TBC1D19: variants seen among roughly 807,000 people sequenced by gnomAD.
TBC1D19 encodes the protein TBC1 domain family, member 19.
A neutral mutation model predicts 89.0 loss-of-function variants in TBC1D19; 60 were observed. The observed-to-expected ratio is 0.67, with a 90% CI of 0.55 to 0.84. The LOEUF (loss-of-function observed/expected upper bound fraction) is 0.84. TBC1D19 is among the 40% of genes least tolerant of loss of function. The probability of loss-of-function intolerance (pLI) is 0.00; values close to 1 mark genes in which losing one functional copy is unlikely to be tolerated. For synonymous variants in TBC1D19, 189 were observed against 199.7 expected (o/e 0.95, Z 0.45); for missense variants, 500 against 610.8 (o/e 0.82, Z 1.91).
At chr4:26,808,783 C>G in the TBC1D19 span, among the ~76,000 whole-genome samples, 2 of 151,268 alleles carry the variant, frequency 1.3e-5, no homozygotes, top group African/African-American at 4.9e-5. Flanking sequence ...AGAGGGACCT[C>G]TAGAAATCAT....
the TBC1D19 span, among the ~76,000 whole-genome samples, chr4:26,824,721 A>G: frequency 7.9e-5 from 12 of 152,120 alleles, no homozygotes; most frequent in Non-Finnish European, 1.0e-4. Context: ...AGTATTATGA[A>G]CATCTGTGTT....
chr4:26,699,573 T>C (rs927927732), intron 13 of TBC1D19, among the ~76,000 whole-genome samples: 7 of 152,310 alleles, frequency 4.6e-5, no homozygotes, highest in Admixed American at 2.0e-4. Context: ...CATATGTTTA[T>C]TGCGGCACTA....
chr4:26,758,917 A>G (rs1719362097), downstream of TBC1D19, among the ~76,000 whole-genome samples: 1 of 152,238 alleles, frequency 6.6e-6, no homozygotes, highest in Non-Finnish European at 1.5e-5. Flanking sequence ...AGACACAACC[A>G]TGACCTTACA....
intron 16 of TBC1D19, among the ~76,000 whole-genome samples, chr4:26,738,681 A>G (rs531470985): frequency 9.2e-5 from 14 of 152,068 alleles, no homozygotes; most frequent in Admixed American, 4.6e-4. Flanking sequence ...ATGAATTTAG[A>G]TATTTACCCC....
At position 26,755,597 on chromosome 4, in the gene TBC1D19, T is replaced by A. The variant is rs1364159140; in HGVS notation, c.*650T>A. 6.6e-6 allele frequency among the ~76,000 whole-genome samples: 1 copy of A among 152,208 alleles called. No homozygotes were observed. The highest frequency in any genetic ancestry group is 1.5e-5 in the Non-Finnish European group (1 of 68,020). ...TGACAATATTTTATGCTTGACTCTC[T>A]GAAAGTCAGAAAATTATAGGTGATC... is the stretch of plus-strand genomic sequence containing the variant. On this transcript the variant is annotated 3_prime_UTR_variant, in exon 21 of 21. Transcript: ENST00000264866.
At chr4:26,792,807 G>A in the TBC1D19 span, among the ~76,000 whole-genome samples, 7 of 152,208 alleles carry the variant, frequency 4.6e-5, no homozygotes, top group Non-Finnish European at 8.8e-5. Context: ...AGTCTGAGAA[G>A]CTGGGTTCCA....
intron 1 of TBC1D19, among the ~76,000 whole-genome samples, chr4:26,592,534 G>A (rs965088810): frequency 1.3e-5 from 2 of 152,170 alleles, no homozygotes; most frequent in African/African-American, 4.8e-5. Context: ...ATTAGGAAAA[G>A]AGGAAATCAA....
At chr4:26,580,914 T>C (rs1303631813), upstream of TBC1D19, among the ~76,000 whole-genome samples, 1 of 152,174 alleles carries the variant, frequency 6.6e-6, no homozygotes, top group Non-Finnish European at 1.5e-5. Flanking sequence ...CAGTAAAATC[T>C]GACACAGCAT....
At chr4:26,783,931 T>C in the TBC1D19 span, among the ~76,000 whole-genome samples, 4 of 152,258 alleles carry the variant, frequency 2.6e-5, no homozygotes, top group East Asian at 1.9e-4. Context: ...ATTCAAAACA[T>C]TGGGAATGGT....
chr4:26,675,244 A>T (rs553799956), intron 11 of TBC1D19, among the ~76,000 whole-genome samples: 1 of 152,230 alleles, frequency 6.6e-6, no homozygotes, highest in Non-Finnish European at 1.5e-5. Context: ...TCTTCGCAGA[A>T]GAATCACTGC....
the TBC1D19 span, among the ~76,000 whole-genome samples, chr4:26,805,991 AG>A: frequency 6.6e-6 from 1 of 151,626 alleles, no homozygotes; most frequent in Non-Finnish European, 1.5e-5. Flanking sequence ...GGAAAGAAAA[AG>A]TATCAGACCC....
chr4:26,637,104 A>T, intron 4 of TBC1D19, 107 bp from the exon 5 acceptor site: 1 of 781,364 alleles, frequency 1.3e-6, no homozygotes, highest in South Asian at 1.9e-5. Context: ...AGGATAACCA[A>T]TCTCAACCAG....
At chr4:26,655,951 C>T (rs1457231985) in intron 7 of TBC1D19, among the ~76,000 whole-genome samples, 2 of 152,208 alleles carry the variant, frequency 1.3e-5, no homozygotes, top group Admixed American at 6.5e-5. Flanking sequence ...AATCGTTCGT[C>T]TTCTGCGTCG....
At chr4:26,753,231 T>C (rs1014991056) in intron 19 of TBC1D19, among the ~76,000 whole-genome samples, 1 of 152,232 alleles carries the variant, frequency 6.6e-6, no homozygotes, top group African/African-American at 2.4e-5. Flanking sequence ...CCTTGTTACA[T>C]ATGAAACATA....
chr4:26,618,757 AG>A (rs971645462), intron 3 of TBC1D19, among the ~76,000 whole-genome samples: 10 of 152,336 alleles, frequency 6.6e-5, no homozygotes, highest in Non-Finnish European at 1.3e-4. Flanking sequence ...ATTGGTGAAT[AG>A]GTTGAAAACA....
intron 4 of TBC1D19, among the ~76,000 whole-genome samples, chr4:26,630,049 GT>G (rs1008284328): frequency 7.3e-5 from 11 of 150,866 alleles, no homozygotes; most frequent in East Asian, 3.9e-4. Context: ...TAATTTCATT[GT>G]TTTTTTTACG....
At chr4:26,694,355 G>A (rs566771176) in intron 13 of TBC1D19, among the ~76,000 whole-genome samples, 4 of 152,280 alleles carry the variant, frequency 2.6e-5, no homozygotes, top group East Asian at 3.9e-4. Flanking sequence ...GGGGAGGGGC[G>A]ACCGACATTG....
rs142048108 is a variant in TBC1D19 at position 26,750,633 on chromosome 4, G to A, written c.1435+2107G>A. On this transcript the variant is annotated intron_variant, in intron 19 of 20. Coordinates refer to ENST00000264866, the MANE Select transcript of TBC1D19 (RefSeq NM_018317.4). The stretch of plus-strand genomic sequence containing the variant: ...TATGAGCTCAATAATTAATAAAAAC[G>A]TTACTGAAGAATAGGTAGAAATGTA... 2.7e-3 allele frequency among the ~76,000 whole-genome samples: 411 copies of A among 152,178 alleles called. 1 individual carries two copies. The highest frequency in any genetic ancestry group is 9.3e-3 in the African/African-American group (387 of 41,520).
At chr4:26,816,957 C>T in the TBC1D19 span, among the ~76,000 whole-genome samples, 4 of 152,012 alleles carry the variant, frequency 2.6e-5, no homozygotes, top group African/African-American at 4.8e-5. Context: ...GAGACAAAAC[C>T]GCTGAAAATA....
Sources: gnomAD v4.1 joint callset for allele counts (sites outside exome capture counted in the v4.1 genomes callset) on GRCh38, gnomAD v4.1.1 for gene constraint, MANE v1.5 for transcripts, NCBI Gene and HGNC (gene_info 2026-07-23, HGNC 2026-07-21) for gene names.